Variants in TENM4 observed in about 807,000 individuals in gnomAD.
TENM4 encodes teneurin transmembrane protein 4, also known as teneurin-4.
Under a neutral mutation model 243.3 loss-of-function variants are expected in TENM4, and 82 were observed. That is an observed-to-expected ratio of 0.34 (90% CI 0.28 to 0.40). TENM4 has a LOEUF of 0.40. Among genes scored for constraint, TENM4 ranks in the 10% least tolerant of loss-of-function variants. The pLI, the probability that TENM4 is intolerant of heterozygous loss-of-function variation, is 1.00. For missense variants in TENM4, 3,138 were observed against 3,673.3 expected, an observed-to-expected ratio of 0.85 and a Z score of 3.77; for synonymous variants, 1,412 against 1,456.3, an observed-to-expected ratio of 0.97 and a Z score of 0.69.
chr11:79,256,747 C>T (rs375470470), intron 2 of TENM4, among the ~76,000 whole-genome samples: 12 of 152,194 alleles, frequency 7.9e-5, no homozygotes, highest in Admixed American at 2.0e-4. Context: ...GGCTCCTGGA[C>T]TCTGAGCCTC....
intron 6 of TENM4, among the ~76,000 whole-genome samples, chr11:79,062,215 C>A (rs1860109968): frequency 6.6e-6 from 1 of 152,142 alleles, no homozygotes. Context: ...TCCACCCCAG[C>A]CTCTGAAAGT....
intron 6 of TENM4, among the ~76,000 whole-genome samples, chr11:78,932,721 T>C (rs1426875528): frequency 6.6e-6 from 1 of 152,076 alleles, no homozygotes; most frequent in Non-Finnish European, 1.5e-5. Flanking sequence ...GGATGGGGGT[T>C]TGGGATGAAA....
Position 79,143,995 on chromosome 11 carries a change from T to C in TENM4, c.-66+4715A>G, listed in dbSNP as rs191789079. 1.4e-4 allele frequency among the ~76,000 whole-genome samples: 21 copies of C among 151,864 alleles called. No homozygotes were observed. The East Asian group carries it at 3.7e-3, about 27-fold the overall frequency. ...CTCTGCACAGCAAAGAAAAACAATA[T>C]CAACAAAGTAAAGAGACAACCCACA... On this transcript the variant is annotated intron_variant, in intron 4 of 33. Coordinates refer to ENST00000278550, the MANE Select transcript of TENM4 (RefSeq NM_001098816.3).
At chr11:79,257,736 C>T (rs1855724158) in intron 2 of TENM4, among the ~76,000 whole-genome samples, 1 of 152,202 alleles carries the variant, frequency 6.6e-6, no homozygotes, top group African/African-American at 2.4e-5. Context: ...CACACAGAAT[C>T]TCACACTGGC....
chr11:79,154,910 C>T (rs913256937), intron 3 of TENM4, among the ~76,000 whole-genome samples: 1 of 152,306 alleles, frequency 6.6e-6, no homozygotes, highest in East Asian at 1.9e-4. Context: ...CTATTTTGTT[C>T]ACTGCTCTGG....
At chr11:79,105,211 A>C (rs1339477138) in intron 4 of TENM4, among the ~76,000 whole-genome samples, 1 of 152,202 alleles carries the variant, frequency 6.6e-6, no homozygotes. Flanking sequence ...AATGAATATA[A>C]TTTGGCTTCA....
chr11:79,063,869 G>A (rs1217943176), intron 6 of TENM4, among the ~76,000 whole-genome samples: 1 of 152,184 alleles, frequency 6.6e-6, no homozygotes, highest in Non-Finnish European at 1.5e-5. Flanking sequence ...TAATGAGTGT[G>A]CAGCTGGCAC....
intron 1 of TENM4, among the ~76,000 whole-genome samples, chr11:79,367,431 T>A (rs1857697984): frequency 6.6e-6 from 1 of 152,162 alleles, no homozygotes. Context: ...TTCTTTTCCC[T>A]CTCCAGGAGA....
intron 12 of TENM4, among the ~76,000 whole-genome samples, chr11:78,823,083 C>T (rs1465422610): frequency 2.6e-5 from 4 of 152,206 alleles, no homozygotes; most frequent in Admixed American, 1.3e-4. Context: ...AGCGGTGCCC[C>T]GTGAGCACGT....
At chr11:78,745,206 CTCTT>C (rs1470685429) in intron 19 of TENM4, among the ~76,000 whole-genome samples, 5 of 151,254 alleles carry the variant, frequency 3.3e-5, no homozygotes, top group Admixed American at 6.6e-5. Flanking sequence ...TCCACTGTCC[CTCTT>C]TCTTTTTTTT....
chr11:79,205,482 C>A (rs1286904517), intron 3 of TENM4, among the ~76,000 whole-genome samples: 4 of 152,214 alleles, frequency 2.6e-5, no homozygotes, highest in African/African-American at 9.6e-5. Context: ...ATCCCTTCCA[C>A]CCCCAGCCCA....
intron 2 of TENM4, among the ~76,000 whole-genome samples, chr11:79,265,434 T>TA (rs1294438047): frequency 7.9e-5 from 12 of 152,182 alleles, no homozygotes; most frequent in African/African-American, 2.9e-4. Flanking sequence ...TTCAAAGACT[T>TA]AGAGTGAAAA....
At chr11:79,169,247 G>A (rs954781466) in intron 3 of TENM4, among the ~76,000 whole-genome samples, 1 of 152,186 alleles carries the variant, frequency 6.6e-6, no homozygotes, top group Non-Finnish European at 1.5e-5. Context: ...TCAAGTTTTG[G>A]GTAGTTTGTT....
intron 1 of TENM4, among the ~76,000 whole-genome samples, chr11:79,339,090 G>A: frequency 6.6e-6 from 1 of 152,246 alleles, no homozygotes; most frequent in Admixed American, 6.5e-5. Flanking sequence ...CCAGCAGAAA[G>A]TGGTTTTCCC....
At chr11:79,279,160 C>T (rs1856112076) in intron 2 of TENM4, among the ~76,000 whole-genome samples, 1 of 152,200 alleles carries the variant, frequency 6.6e-6, no homozygotes, top group African/African-American at 2.4e-5. Flanking sequence ...CTTGGCTGAG[C>T]ACCAGCTGTG....
rs1855692311 is a variant in TENM4, at chr11:78,732,459, T to C, written c.2995A>G (p.Ile999Val). 3.1e-6 allele frequency: 5 copies of C among 1,613,806 alleles called. No homozygotes were observed. The Middle Eastern group carries it at 6.6e-4, about 213-fold the overall frequency. The change falls in exon 21 of 34, where the codon ATC (isoleucine) becomes GTC (valine). Residue 999 changes from isoleucine (I) to valine (V), a missense_variant. Transcript: ENST00000278550. ...TCATTCTCCTCATGTCTCATGATGATGGTTTCCATGACAAAGAAGCGATCC... is the reference window on the plus strand; with the variant it reads ...TCATTCTCCTCATGTCTCATGATGACGGTTTCCATGACAAAGAAGCGATCC... ...PWDRFFVMET[I>V]IMRHEENEIP...
At chr11:79,115,532 C>T (rs1297905162) in intron 4 of TENM4, among the ~76,000 whole-genome samples, 1 of 152,202 alleles carries the variant, frequency 6.6e-6, no homozygotes, top group African/African-American at 2.4e-5. Context: ...GTGATCACAT[C>T]TCCTCCTGGG....
chr11:78,898,055 G>A (rs1199531808), intron 7 of TENM4, among the ~76,000 whole-genome samples: 1 of 152,216 alleles, frequency 6.6e-6, no homozygotes, highest in Non-Finnish European at 1.5e-5. Flanking sequence ...GCTGCAGAGT[G>A]CAAAAGAAGT....
At chr11:78,923,594 G>T in intron 6 of TENM4, among the ~76,000 whole-genome samples, 1 of 150,578 alleles carries the variant, frequency 6.6e-6, no homozygotes, top group African/African-American at 2.4e-5. Context: ...CTGGAGTGTA[G>T]TGGTGCAATT....
Sources: allele counts gnomAD v4.1 joint callset (sites outside exome capture counted in the v4.1 genomes callset), GRCh38; gene constraint gnomAD v4.1.1; transcripts MANE v1.5; gene names NCBI Gene and HGNC (gene_info 2026-07-23, HGNC 2026-07-21).